PCDHA8: variants seen among roughly 807,000 people sequenced by gnomAD.
PCDHA8 encodes the protein protocadherin alpha 8.
Under a neutral mutation model 61.8 loss-of-function variants are expected in PCDHA8, and 53 were observed. The observed-to-expected ratio is 0.86, with a 90% confidence interval of 0.69 to 1.08. The LOEUF (loss-of-function observed/expected upper bound fraction) is 1.08, where lower values mean the gene tolerates loss of function less well. PCDHA8 is among the 50% of genes least tolerant of loss of function. The pLI, the probability that PCDHA8 is intolerant of heterozygous loss-of-function variation, is 0.00. For missense variants in PCDHA8, 1,293 were observed against 1,245.0 expected, an observed-to-expected ratio of 1.04 and a Z score of -0.58; for synonymous variants, 618 against 556.6, an observed-to-expected ratio of 1.11 and a Z score of -1.55.
At chr5:140,894,989 C>T (rs1446674371) in intron 1 of PCDHA8, among the ~76,000 whole-genome samples, 2 of 152,110 alleles carry the variant, frequency 1.3e-5, no homozygotes, top group Non-Finnish European at 2.9e-5. Context: ...TTGTGACATC[C>T]TTTACCCTTT....
chr5:140,961,343 T>C (rs2095605708), intron 1 of PCDHA8, among the ~76,000 whole-genome samples: 1 of 152,210 alleles, frequency 6.6e-6, no homozygotes, highest in South Asian at 2.1e-4. Flanking sequence ...CAAGAGTGGA[T>C]CCCTGTAGTC....
At chr5:140,968,353 C>A (rs1377792748) in intron 1 of PCDHA8, 1 of 1,614,106 alleles carries the variant, frequency 6.2e-7, no homozygotes, top group Non-Finnish European at 8.5e-7. Context: ...GTGCCAGTGG[C>A]AGCCTTTATG....
chr5:140,903,958 T>G (rs960235173), intron 1 of PCDHA8, among the ~76,000 whole-genome samples: 1 of 152,236 alleles, frequency 6.6e-6, no homozygotes, highest in Non-Finnish European at 1.5e-5. Context: ...GAAAATTATT[T>G]GTTGATTTTT....
intron 3 of PCDHA8, among the ~76,000 whole-genome samples, chr5:140,990,272 C>A (rs568200508): frequency 6.6e-6 from 1 of 152,196 alleles, no homozygotes; most frequent in African/African-American, 2.4e-5. Flanking sequence ...CAATGTACCC[C>A]GGGTCTTGAG....
intron 2 of PCDHA8, 171 bp from the exon 3 acceptor site, chr5:140,982,304 C>G: frequency 8.0e-7 from 1 of 1,244,768 alleles, no homozygotes. Context: ...AGCAATGCTT[C>G]TGCAGTTTAT....
At chr5:140,901,982 A>G (rs1250710466) in intron 1 of PCDHA8, among the ~76,000 whole-genome samples, 2 of 151,818 alleles carry the variant, frequency 1.3e-5, no homozygotes, top group Non-Finnish European at 1.5e-5. Flanking sequence ...TTACTTTTTA[A>G]TTTCATTTTC....
At chr5:140,857,335 G>T in intron 1 of PCDHA8, 1 of 1,598,584 alleles carries the variant, frequency 6.3e-7, no homozygotes, top group South Asian at 1.1e-5. Flanking sequence ...CGCGGGACGG[G>T]GGCTCGCCTC....
At chr5:140,891,232 C>T (rs1562856029) in intron 1 of PCDHA8, among the ~76,000 whole-genome samples, 1 of 151,946 alleles carries the variant, frequency 6.6e-6, no homozygotes, top group Non-Finnish European at 1.5e-5. Context: ...TCATCCTGTT[C>T]TGGATTCAGT....
intron 1 of PCDHA8, among the ~76,000 whole-genome samples, chr5:140,908,224 C>T (rs2073867832): frequency 6.6e-6 from 1 of 152,160 alleles, no homozygotes; most frequent in Admixed American, 6.5e-5. Flanking sequence ...GTGAACCAGT[C>T]CTTAGTCTTC....
intron 1 of PCDHA8, chr5:140,861,473 T>A: frequency 2.0e-6 from 1 of 491,574 alleles, no homozygotes; most frequent in Non-Finnish European, 4.2e-6. Context: ...ATCTGCAGAA[T>A]GGCATTTTTG....
At chr5:140,937,736 C>T (rs778178538) in intron 1 of PCDHA8, among the ~76,000 whole-genome samples, 84 of 151,896 alleles carry the variant, frequency 5.5e-4, no homozygotes, top group Non-Finnish European at 1.1e-3. Context: ...CACGGTGAAA[C>T]CCCGTCTCTA....
At chr5:140,843,766 G>T (rs1303909479) in intron 1 of PCDHA8, 51 bp downstream of exon 1, 4 of 1,487,952 alleles carry the variant, frequency 2.7e-6, no homozygotes, top group Non-Finnish European at 3.7e-6. Context: ...GGAAATTGTA[G>T]TTACTTTAAA....
At chr5:140,915,232 C>T (rs1554196813) in intron 1 of PCDHA8, among the ~76,000 whole-genome samples, 1 of 152,156 alleles carries the variant, frequency 6.6e-6, no homozygotes, top group Non-Finnish European at 1.5e-5. Flanking sequence ...CAGGCATGAG[C>T]CACCATGCCT....
chr5:141,005,990 A>G (rs1375805001), intron 3 of PCDHA8, among the ~76,000 whole-genome samples: 6 of 151,998 alleles, frequency 3.9e-5, no homozygotes, highest in Admixed American at 3.9e-4. Flanking sequence ...GTGTTTGAGG[A>G]TCTGAAAGAA....
chr5:140,844,542 G>T (rs1779426877), intron 1 of PCDHA8, among the ~76,000 whole-genome samples: 1 of 149,020 alleles, frequency 6.7e-6, no homozygotes, highest in Admixed American at 6.7e-5. Flanking sequence ...TCAACCCTTT[G>T]TTCATGAGTT....
At chr5:140,882,535 G>A (rs2059175245) in intron 1 of PCDHA8, 4 of 1,614,232 alleles carry the variant, frequency 2.5e-6, no homozygotes, top group East Asian at 2.2e-5. Flanking sequence ...TGAATTCTCG[G>A]ATCGACCGCG....
chr5:140,914,130 A>G (rs552189632), intron 1 of PCDHA8, among the ~76,000 whole-genome samples: 2 of 152,146 alleles, frequency 1.3e-5, no homozygotes, highest in African/African-American at 4.8e-5. Flanking sequence ...TTCTTTGTTG[A>G]GTTTTTGTCT....
At chr5:140,996,173 A>G (rs2097715399) in intron 3 of PCDHA8, among the ~76,000 whole-genome samples, 1 of 152,236 alleles carries the variant, frequency 6.6e-6, no homozygotes, top group Non-Finnish European at 1.5e-5. Flanking sequence ...ATGTGCTGAC[A>G]GCACCTCCAT....
At chr5:140,887,961 G>A (rs1311969868) in intron 1 of PCDHA8, among the ~76,000 whole-genome samples, 1 of 151,770 alleles carries the variant, frequency 6.6e-6, no homozygotes, top group African/African-American at 2.4e-5. Flanking sequence ...GATTCTTTTT[G>A]TCTCTTTTAA....
Sources: allele counts gnomAD v4.1 joint callset (sites outside exome capture counted in the v4.1 genomes callset), GRCh38; gene constraint gnomAD v4.1.1; transcripts MANE v1.5; gene names NCBI Gene and HGNC (gene_info 2026-07-23, HGNC 2026-07-21).